The following ARB2A variants were observed in gnomAD, a reference collection of about 807,000 sequenced individuals.
ARB2A encodes the protein cotranscriptional regulator ARB2A.
the ARB2A span, among the ~76,000 whole-genome samples, chr5:93,729,897 G>A: frequency 6.6e-6 from 1 of 152,096 alleles, no homozygotes; most frequent in Non-Finnish European, 1.5e-5. Context: ...CATTTTAGTA[G>A]AAAGTGGTAT....
At chr5:94,080,157 A>G in the ARB2A span, among the ~76,000 whole-genome samples, 1 of 152,190 alleles carries the variant, frequency 6.6e-6, no homozygotes, top group Non-Finnish European at 1.5e-5. Flanking sequence ...AAATGAATAT[A>G]CCACACTCAA....
At chr5:93,968,985 T>C in the ARB2A span, among the ~76,000 whole-genome samples, 1 of 151,320 alleles carries the variant, frequency 6.6e-6, no homozygotes, top group African/African-American at 2.4e-5. Flanking sequence ...ATAATGACTT[T>C]CTGAGACAAA....
chr5:93,704,932 T>C, the ARB2A span, among the ~76,000 whole-genome samples: 6 of 152,168 alleles, frequency 3.9e-5, no homozygotes, highest in African/African-American at 1.4e-4. Context: ...AGCTCATCCA[T>C]AAATCCCCCA....
the ARB2A span, among the ~76,000 whole-genome samples, chr5:93,929,429 T>A: frequency 6.6e-6 from 1 of 152,148 alleles, no homozygotes; most frequent in South Asian, 2.1e-4. Context: ...TCTAAAATTC[T>A]GCATGCAAGA....
At chr5:93,908,812 T>C in the ARB2A span, among the ~76,000 whole-genome samples, 3 of 151,010 alleles carry the variant, frequency 2.0e-5, no homozygotes, top group Admixed American at 1.3e-4. Context: ...TGTGAGGTGT[T>C]ATTTCACTTA....
At chr5:93,873,197 CAGG>C in the ARB2A span, among the ~76,000 whole-genome samples, 3 of 147,616 alleles carry the variant, frequency 2.0e-5, no homozygotes, top group Non-Finnish European at 4.5e-5. Context: ...AAGGCTGAGG[CAGG>C]AGGATTGCTT....
the ARB2A span, among the ~76,000 whole-genome samples, chr5:93,912,292 T>C: frequency 6.6e-6 from 1 of 151,790 alleles, no homozygotes; most frequent in African/African-American, 2.4e-5. Context: ...ATGTTCAGAA[T>C]AAGGTTCCAA....
At chr5:93,727,349 T>C in the ARB2A span, among the ~76,000 whole-genome samples, 2 of 152,146 alleles carry the variant, frequency 1.3e-5, no homozygotes, top group East Asian at 3.9e-4. Flanking sequence ...CTAACCCTTT[T>C]AAAATATAAT....
the ARB2A span, among the ~76,000 whole-genome samples, chr5:93,855,938 A>T: frequency 6.6e-6 from 1 of 152,018 alleles, no homozygotes; most frequent in African/African-American, 2.4e-5. Flanking sequence ...GCAGTTCCTC[A>T]CCAGTAACGG....
the ARB2A span, among the ~76,000 whole-genome samples, chr5:93,846,000 G>GACAC: frequency 0.089 from 13,003 of 146,654 alleles, 660 homozygotes; most frequent in Middle Eastern, 0.16. Context: ...CTCTCTCTGT[G>GACAC]ACACACACAC....
At chr5:93,706,862 CAAAA>C in the ARB2A span, among the ~76,000 whole-genome samples, 1 of 102,354 alleles carries the variant, frequency 9.8e-6, no homozygotes, top group Non-Finnish European at 2.2e-5. Context: ...AAGATTCCGT[CAAAA>C]AAAAAAAAAA....
chr5:93,888,071 C>T, the ARB2A span, among the ~76,000 whole-genome samples: 3 of 151,942 alleles, frequency 2.0e-5, no homozygotes, highest in South Asian at 6.2e-4. Flanking sequence ...AAAACATGTG[C>T]TTTGCACTTA....
At chr5:94,003,043 T>C in the ARB2A span, among the ~76,000 whole-genome samples, 1 of 152,144 alleles carries the variant, frequency 6.6e-6, no homozygotes, top group African/African-American at 2.4e-5. Flanking sequence ...ATTTGGAGAG[T>C]TTGTATAATA....
chr5:93,816,477 A>G, the ARB2A span, among the ~76,000 whole-genome samples: 1 of 152,260 alleles, frequency 6.6e-6, no homozygotes, highest in East Asian at 1.9e-4. Context: ...TTAACTTGTT[A>G]TTGTGCTAAT....
At chr5:93,736,296 G>A in the ARB2A span, 1 of 152,100 alleles carries the variant, frequency 6.6e-6, no homozygotes, top group Admixed American at 6.6e-5. Flanking sequence ...CAGCTTATAG[G>A]TGTGTTCTGA....
the ARB2A span, among the ~76,000 whole-genome samples, chr5:94,012,850 T>C: frequency 6.6e-6 from 1 of 152,222 alleles, no homozygotes; most frequent in African/African-American, 2.4e-5. Flanking sequence ...GACAGGAGCA[T>C]CAAGCGCAAA....
the ARB2A span, among the ~76,000 whole-genome samples, chr5:93,959,999 G>T: frequency 6.7e-6 from 1 of 148,544 alleles, no homozygotes; most frequent in Non-Finnish European, 1.5e-5. Flanking sequence ...TCCACATATT[G>T]TGTAACGTAA....
the ARB2A span, among the ~76,000 whole-genome samples, chr5:93,961,098 G>GTA: frequency 6.6e-6 from 1 of 152,152 alleles, no homozygotes; most frequent in Non-Finnish European, 1.5e-5. Context: ...AGCTGTCAGT[G>GTA]TATAACAAGA....
chr5:94,069,616 C>T, the ARB2A span, among the ~76,000 whole-genome samples: 3 of 152,042 alleles, frequency 2.0e-5, no homozygotes, highest in South Asian at 2.1e-4. Flanking sequence ...CCCATTAAAA[C>T]GTGGGCAAAG....
Sources: gnomAD v4.1 joint callset for allele counts (sites outside exome capture counted in the v4.1 genomes callset) on GRCh38, gnomAD v4.1.1 for gene constraint, MANE v1.5 for transcripts, NCBI Gene and HGNC (gene_info 2026-07-23, HGNC 2026-07-21) for gene names.